The following SPTA1 variants were observed in gnomAD, a reference collection of about 807,000 sequenced individuals.
SPTA1 encodes the protein spectrin alpha, erythrocytic 1.
SPTA1 carries 177 observed loss-of-function variants against 324.7 expected under a neutral mutation model. The observed-to-expected ratio is 0.55, with a 90% CI of 0.48 to 0.62. The LOEUF is 0.62. Among genes scored for constraint, SPTA1 ranks in the 20% least tolerant of loss-of-function variants. The pLI, the probability that SPTA1 is intolerant of heterozygous loss-of-function variation, is 0.00. For missense variants in SPTA1, 3,162 were observed against 2,883.6 expected (o/e 1.10, Z -2.21); for synonymous variants, 1,195 against 1,041.3 (o/e 1.15, Z -2.84).
intron 29 of SPTA1, 26 bp downstream of exon 29, chr1:158,645,162 C>T: frequency 1.2e-6 from 2 of 1,613,332 alleles, no homozygotes; most frequent in African/African-American, 1.3e-5. Flanking sequence ...ACTGAACCTG[C>T]TTAACAATTG....
chr1:158,671,331 C>A lies in SPTA1; in HGVS notation c.1599+12G>T. 1 of 1,610,330 alleles carries A rather than the reference C, an allele frequency of 6.2e-7. No individual in the cohort carries two copies. The highest frequency in any genetic ancestry group is 1.1e-5 in the South Asian group (1 of 90,864). On this transcript the variant is annotated intron_variant, in intron 12 of 51. Transcript: ENST00000643759. ...GAGGGAGCCAATGCCCAAACTAGGG[C>A]CAATTTCTTACTATGATCTTCTCTT...
intron 7 of SPTA1, 114 bp from the exon 8 acceptor site, chr1:158,676,409 C>T: frequency 8.9e-7 from 1 of 1,127,108 alleles, no homozygotes; most frequent in Non-Finnish European, 1.3e-6. Flanking sequence ...TAGAAATCGA[C>T]ATATGAATAG....
chr1:158,635,702 A>G (rs1453234162), intron 38 of SPTA1, among the ~76,000 whole-genome samples: 1 of 152,222 alleles, frequency 6.6e-6, no homozygotes, highest in Non-Finnish European at 1.5e-5. Context: ...GCAGAAGGAG[A>G]GGTAGATTTA....
At chr1:158,666,252 T>C (rs986945128) in intron 16 of SPTA1, 64 bp downstream of exon 16, 7 of 1,551,794 alleles carry the variant, frequency 4.5e-6, no homozygotes, top group Admixed American at 1.7e-5. Context: ...TATTACTTAA[T>C]AACGAGTGTG....
In SPTA1 at chr1:158,636,002, G is replaced by T; in HGVS notation, c.5343C>A (p.Asp1781Glu). The T allele has an allele frequency of 6.2e-7, 1 of 1,614,140 alleles. No individual in the cohort carries two copies. The highest frequency in any genetic ancestry group is 8.5e-7 in the Non-Finnish European group (1 of 1,180,022). ...NVLDMAEKLK[D>E]KAAVGQEEIQ... ...TCTCCTCTTGCCCCACAGCAGCCTT[G>T]TCTTTCAGCTTCTCTGCCATATCCA... The change falls in exon 38 of 52, where the codon GAC (aspartate) becomes GAA (glutamate). Residue 1781 changes from aspartate to glutamate, a missense_variant. Transcript: ENST00000643759.
intron 37 of SPTA1, 128 bp from the exon 38 acceptor site, chr1:158,636,162 G>T: frequency 6.6e-7 from 1 of 1,519,508 alleles, no homozygotes; most frequent in Non-Finnish European, 9.1e-7. Flanking sequence ...GACTTTGTGA[G>T]GGTCCTGAAA....
intron 51 of SPTA1, chr1:158,611,605 C>A (rs2101741953): frequency 2.0e-6 from 1 of 491,954 alleles, no homozygotes; most frequent in African/African-American, 1.9e-5. Flanking sequence ...AGAGAGCTTA[C>A]TCACTTTGAT....
chr1:158,616,524 C>T (rs1045002536), intron 47 of SPTA1, among the ~76,000 whole-genome samples: 8 of 152,158 alleles, frequency 5.3e-5, no homozygotes, highest in Non-Finnish European at 1.0e-4. Flanking sequence ...CTGTGCTTGG[C>T]TTATTTCACT....
chr1:158,639,862 G>A lies in SPTA1; in HGVS notation c.4875+8C>T, dbSNP rs759716558. On this transcript the variant is annotated splice_region_variant and intron_variant, in intron 34 of 51. Coordinates refer to ENST00000643759, the MANE Select transcript of SPTA1 (RefSeq NM_003126.4). ...TCTTGTGTCTCTACTGTTTCCGGGTGCAATTACCTCTGAGAGCCAGAACTC... is the reference window on the plus strand; with the variant it reads ...TCTTGTGTCTCTACTGTTTCCGGGTACAATTACCTCTGAGAGCCAGAACTC... 1.9e-6 allele frequency: 3 copies of A among 1,613,928 alleles called. No individual in the cohort carries two copies. Among genetic ancestry groups the A allele is most frequent in the Admixed American group, 1.7e-5 (1 of 59,992 alleles).
intron 10 of SPTA1, among the ~76,000 whole-genome samples, chr1:158,672,595 A>T (rs529337178): frequency 1.3e-5 from 2 of 152,362 alleles, no homozygotes; most frequent in African/African-American, 4.8e-5. Context: ...TGTCTAAAAA[A>T]GTGTAGACAG....
chr1:158,638,979 C>A (rs1270175795), intron 35 of SPTA1, among the ~76,000 whole-genome samples: 2 of 152,114 alleles, frequency 1.3e-5, no homozygotes, highest in African/African-American at 4.8e-5. Context: ...AACCCAGCCC[C>A]TTAGTGATGT....
intron 12 of SPTA1, among the ~76,000 whole-genome samples, chr1:158,670,476 C>T (rs968134431): frequency 3.3e-5 from 5 of 152,196 alleles, no homozygotes; most frequent in Non-Finnish European, 5.9e-5. Context: ...TGGACTTCCA[C>T]CTCTTCACCA....
At chr1:158,631,042 C>A (rs909797200) in intron 39 of SPTA1, among the ~76,000 whole-genome samples, 2 of 152,072 alleles carry the variant, frequency 1.3e-5, no homozygotes, top group African/African-American at 4.8e-5. Flanking sequence ...TAAACTAGTA[C>A]AACCACTATA....
intron 24 of SPTA1, 53 bp from the exon 25 acceptor site, chr1:158,650,000 C>T: frequency 1.6e-6 from 2 of 1,252,192 alleles, no homozygotes; most frequent in Non-Finnish European, 2.3e-6. Flanking sequence ...TCACATGGCT[C>T]AGTGGCGTCT....
chr1:158,623,346 A>T (rs979128607), intron 42 of SPTA1, among the ~76,000 whole-genome samples, 154 bp from the exon 43 acceptor site: 2 of 152,222 alleles, frequency 1.3e-5, no homozygotes, highest in Non-Finnish European at 2.9e-5. Context: ...GTAAGCAAAC[A>T]TTTGGGGCTG....
intron 20 of SPTA1, among the ~76,000 whole-genome samples, chr1:158,655,137 G>C (rs1342482713): frequency 6.6e-6 from 1 of 152,104 alleles, no homozygotes; most frequent in African/African-American, 2.4e-5. Flanking sequence ...CCCACTCTCT[G>C]TCGTCACCTT....
At chr1:158,685,445 A>G (rs1655108062) in intron 1 of SPTA1, 98 bp from the exon 2 acceptor site, 1 of 1,539,156 alleles carries the variant, frequency 6.5e-7, no homozygotes, top group Non-Finnish European at 8.9e-7. Context: ...TTGGACCTAT[A>G]TTCAGATATC....
At chr1:158,678,252 C>T (rs1654536492) in intron 6 of SPTA1, 149 bp downstream of exon 6, 4 of 1,060,892 alleles carry the variant, frequency 3.8e-6, no homozygotes, top group Admixed American at 3.6e-5. Flanking sequence ...TTACCTTCTC[C>T]TTTGCTGTCC....
Position 158,638,213 on chromosome 1 carries a change from G to C in SPTA1, c.5009C>G (p.Ala1670Gly), listed in dbSNP as rs1204653789. 3.1e-6 allele frequency: 5 copies of C among 1,613,064 alleles called. No homozygotes were observed. In the Admixed American group the frequency reaches 6.7e-5, roughly 22 times the overall value. Residue 1670 changes from alanine (A) to glycine (G), a missense_variant, in exon 36 of 52, where the codon GCT becomes GGT. Coordinates refer to ENST00000643759, the MANE Select transcript of SPTA1 (RefSeq NM_003126.4). ...EDALKDLNTL[A>G]EDLLSSGTFN... is the part of the protein sequence containing the mutation. Reference sequence around the variant, plus strand: ...AGTCCCGCTGGAGAGCAAATCTTCAGCCAATGTATTCAGGTCCTTGAGTGC... The same window carrying C: ...AGTCCCGCTGGAGAGCAAATCTTCACCCAATGTATTCAGGTCCTTGAGTGC...
Sources: gnomAD v4.1 joint callset for allele counts (sites outside exome capture counted in the v4.1 genomes callset) on GRCh38, gnomAD v4.1.1 for gene constraint, MANE v1.5 for transcripts, NCBI Gene and HGNC (gene_info 2026-07-23, HGNC 2026-07-21) for gene names.